Variants in SLC12A6 observed in about 807,000 individuals in gnomAD.
The protein encoded by SLC12A6 is K-Cl cotransporter 3.
SLC12A6 carries 66 observed loss-of-function variants against 135.3 expected under a neutral mutation model. That is an observed-to-expected ratio of 0.49 (90% CI 0.40 to 0.60). SLC12A6 has a LOEUF of 0.60. SLC12A6 is among the 20% of genes least tolerant of loss of function. SLC12A6 has a pLI of 0.00. For missense variants in SLC12A6, 1,058 were observed against 1,452.3 expected (o/e 0.73, Z 4.41); for synonymous variants, 513 against 508.8 (o/e 1.01, Z -0.11).
chr15:34,241,638 A>G (rs1047027013), intron 17 of SLC12A6, among the ~76,000 whole-genome samples: 1 of 152,254 alleles, frequency 6.6e-6, no homozygotes, highest in African/African-American at 2.4e-5. Flanking sequence ...TTAGAAAATT[A>G]TAACAGACCT....
chr15:34,247,422 C>A (rs998130383), intron 13 of SLC12A6, among the ~76,000 whole-genome samples: 2 of 151,840 alleles, frequency 1.3e-5, no homozygotes, highest in African/African-American at 4.8e-5. Flanking sequence ...GAGGCTGAGG[C>A]AGGAGAATGG....
At chr15:34,275,477 G>A (rs1375351270) in intron 2 of SLC12A6, 88 bp from the exon 3 acceptor site, 10 of 751,830 alleles carry the variant, frequency 1.3e-5, no homozygotes, top group Admixed American at 4.2e-5. Flanking sequence ...AGTCAACCAA[G>A]GAAATAAGCA....
rs140463032 is a variant in SLC12A6 at position 34,236,377 on chromosome 15, C to T, written c.3043-178G>A. ...TTTTTTTGGTTTGAGACAGAGTCTTCCTCTGTCACGCAGGCTGGAGTGCAG... is the reference window on the plus strand; with the variant it reads ...TTTTTTTGGTTTGAGACAGAGTCTTTCTCTGTCACGCAGGCTGGAGTGCAG... On this transcript the variant is annotated intron_variant, in intron 23 of 25. Transcript: ENST00000354181. 1.6e-3 allele frequency among the ~76,000 whole-genome samples: 244 copies of T among 151,958 alleles called. 2 individuals carry two copies. The highest frequency in any genetic ancestry group is 2.7e-3 in the Non-Finnish European group (185 of 67,950).
chr15:34,283,524 G>A (rs747284169), intron 2 of SLC12A6, among the ~76,000 whole-genome samples: 2 of 152,022 alleles, frequency 1.3e-5, no homozygotes, highest in East Asian at 1.9e-4. Flanking sequence ...AGACATATGA[G>A]GATCCTGAAA....
chr15:34,313,723 T>C (rs1367396726), intron 2 of SLC12A6, among the ~76,000 whole-genome samples: 1 of 152,202 alleles, frequency 6.6e-6, no homozygotes, highest in African/African-American at 2.4e-5. Context: ...AAAGGACAGG[T>C]TGCCTCTCTT....
At chr15:34,305,684 T>C (rs1896559770) in intron 2 of SLC12A6, among the ~76,000 whole-genome samples, 1 of 151,950 alleles carries the variant, frequency 6.6e-6, no homozygotes, top group Non-Finnish European at 1.5e-5. Flanking sequence ...GGTGGAAAAA[T>C]CACATTTTTT....
chr15:34,336,031 A>G (rs1890172841), intron 2 of SLC12A6, among the ~76,000 whole-genome samples: 1 of 152,248 alleles, frequency 6.6e-6, no homozygotes, highest in Admixed American at 6.5e-5. Context: ...TGAAATAGCC[A>G]ATGATGGCTA....
At chr15:34,269,775 A>G (rs1023997794) in intron 3 of SLC12A6, among the ~76,000 whole-genome samples, 4 of 151,878 alleles carry the variant, frequency 2.6e-5, no homozygotes, top group African/African-American at 9.7e-5. Context: ...GCTTAATCAC[A>G]TTCAGTACTT....
intron 10 of SLC12A6, among the ~76,000 whole-genome samples, chr15:34,251,487 TCCTCCCACCTAGG>T (rs1421014245): frequency 1.3e-5 from 2 of 152,092 alleles, no homozygotes; most frequent in Non-Finnish European, 2.9e-5. Context: ...GACCTCATGA[TCCTCCCACCTAGG>T]CCTCCCAAAG....
chr15:34,278,459 T>C (rs373182768), intron 2 of SLC12A6, among the ~76,000 whole-genome samples: 1 of 152,110 alleles, frequency 6.6e-6, no homozygotes, highest in African/African-American at 2.4e-5. Context: ...TCCTCTATTG[T>C]GTAATATACT....
rs138567506 is a variant in SLC12A6, at chr15:34,279,616, C to T, written c.272-4227G>A. ...ATTGGTGAGGGCACACCCAAGTTTGCCTAAGACTGGGAGTTGTCCTAAAGA... is the reference window on the plus strand; with the variant it reads ...ATTGGTGAGGGCACACCCAAGTTTGTCTAAGACTGGGAGTTGTCCTAAAGA... On this transcript the variant is annotated intron_variant, in intron 2 of 25. Transcript: ENST00000354181. Among the ~76,000 whole-genome samples the T allele has an allele frequency of 2.6e-5, 4 of 152,262 alleles. No individual in the cohort carries two copies. The East Asian group carries it at 7.7e-4, about 29-fold the overall frequency.
chr15:34,257,694 C>A lies in SLC12A6; in HGVS notation c.638G>T (p.Gly213Val). ...ILFLRLTWVVGTAGVLQAFAI... is the reference protein window; with the variant it reads ...ILFLRLTWVVVTAGVLQAFAI... The stretch of plus-strand genomic sequence containing the variant: ...AAAAGCCTGAAGAACTCCAGCTGTG[C>A]CCACCACCCATGTAAGGCGTAAAAA... The change falls in exon 6 of 26, where the codon GGC becomes GTC. Residue 213 changes from glycine to valine, a missense_variant. Gly to Val is a moderately radical substitution (Grantham distance 109). Transcript: ENST00000354181. The A allele has an allele frequency of 6.2e-7, 1 of 1,612,444 alleles. No individual in the cohort carries two copies. Among genetic ancestry groups the A allele is most frequent in the Non-Finnish European group, 8.5e-7 (1 of 1,178,534 alleles).
At chr15:34,284,032 G>A (rs1894866609) in intron 2 of SLC12A6, among the ~76,000 whole-genome samples, 1 of 151,524 alleles carries the variant, frequency 6.6e-6, no homozygotes, top group Admixed American at 6.6e-5. Context: ...ACAGGTGTGA[G>A]CCACCACACT....
At chr15:34,334,445 A>G (rs1890069775) in intron 2 of SLC12A6, among the ~76,000 whole-genome samples, 1 of 152,196 alleles carries the variant, frequency 6.6e-6, no homozygotes, top group Non-Finnish European at 1.5e-5. Flanking sequence ...TAAATCTAAC[A>G]AGGGCTTTCA....
At chr15:34,327,450 A>G (rs770394194) in intron 2 of SLC12A6, among the ~76,000 whole-genome samples, 6 of 152,084 alleles carry the variant, frequency 3.9e-5, no homozygotes, top group Non-Finnish European at 8.8e-5. Context: ...ACAGATCATG[A>G]GGTCAAGAGT....
rs778509280 is a variant in SLC12A6, at chr15:34,235,162, C to A, written c.3361+19G>T. 8 of 1,611,788 alleles carry A rather than the reference C, an allele frequency of 5.0e-6. No individual in the cohort carries two copies. The East Asian group carries it at 1.8e-4, about 36-fold the overall frequency. The stretch of plus-strand genomic sequence containing the variant: ...AAGGAGATTTTCCCTACTGGAAGCC[C>A]CACTCTTGGAAAGGATACAGTTTTC... On this transcript the variant is annotated intron_variant, in intron 25 of 25. Coordinates refer to ENST00000354181, the MANE Select transcript of SLC12A6 (RefSeq NM_001365088.1).
chr15:34,296,791 T>C (rs1283848753), intron 2 of SLC12A6, among the ~76,000 whole-genome samples: 3 of 152,140 alleles, frequency 2.0e-5, no homozygotes, highest in African/African-American at 7.2e-5. Flanking sequence ...CATGTGGTTA[T>C]GGAATCCAAC....
rs1353598160 is a variant in SLC12A6 at position 34,231,791 on chromosome 15, G to C, written c.*2090C>G. On this transcript the variant is annotated 3_prime_UTR_variant, in exon 26 of 26. Coordinates refer to ENST00000354181, the MANE Select transcript of SLC12A6 (RefSeq NM_001365088.1). Reference sequence around the variant, plus strand: ...ATTTTTGTAGAGACAGGGTTTCACCGTGTTAGCCAGGATGGTCTCAAATCT... The same window carrying C: ...ATTTTTGTAGAGACAGGGTTTCACCCTGTTAGCCAGGATGGTCTCAAATCT... 3 of 151,952 alleles carry C rather than the reference G, an allele frequency of 2.0e-5. No homozygotes were observed. Among genetic ancestry groups the C allele is most frequent in the Non-Finnish European group, 4.4e-5 (3 of 68,008 alleles). 9.4% of individuals were successfully genotyped at this position (151,952 alleles called of 1,614,324 possible). A position where few individuals can be genotyped will look rare whatever the true frequency, so the allele number is the denominator to read the frequency against.
At chr15:34,328,095 A>G (rs1889596154) in intron 2 of SLC12A6, among the ~76,000 whole-genome samples, 1 of 149,082 alleles carries the variant, frequency 6.7e-6, no homozygotes, top group East Asian at 2.0e-4. Context: ...CTGAGCTAAG[A>G]TAACAGGAAA....
Sources: gnomAD v4.1 joint callset for allele counts (sites outside exome capture counted in the v4.1 genomes callset) on GRCh38, gnomAD v4.1.1 for gene constraint, MANE v1.5 for transcripts, NCBI Gene and HGNC (gene_info 2026-07-23, HGNC 2026-07-21) for gene names.